Variants in OBP2B observed in about 807,000 individuals in gnomAD.
The protein encoded by OBP2B is odorant binding protein 2B.
OBP2B carries 10 observed loss-of-function variants against 21.7 expected under a neutral mutation model. The ratio of observed to expected loss-of-function variants is 0.46; its 90% CI spans 0.28 to 0.78. OBP2B has a LOEUF of 0.78. Ranked by LOEUF, OBP2B falls within the 30% of genes least tolerant of loss-of-function variation. OBP2B has a pLI of 0.11. For missense variants in OBP2B, 153 were observed against 217.7 expected, an observed-to-expected ratio of 0.70 and a Z score of 1.87; for synonymous variants, 73 against 91.5, an observed-to-expected ratio of 0.80 and a Z score of 1.16.
intron 6 of OBP2B, 174 bp downstream of exon 6, chr9:133,205,742 TC>T: frequency 1.1e-6 from 1 of 920,118 alleles, no homozygotes; most frequent in East Asian, 2.5e-5. Context: ...ACAAAGGACT[TC>T]CCGAATGTCC....
intron 4 of OBP2B, among the ~76,000 whole-genome samples, chr9:133,206,893 G>A (rs1298610447): frequency 6.6e-6 from 1 of 151,996 alleles, no homozygotes; most frequent in African/African-American, 2.4e-5. Context: ...AGAGGCACCG[G>A]CCACCCTCCT....
At chr9:133,221,797 A>C in the OBP2B span, among the ~76,000 whole-genome samples, 1 of 152,192 alleles carries the variant, frequency 6.6e-6, no homozygotes, top group African/African-American at 2.4e-5. Flanking sequence ...CAAGTGTTTT[A>C]TGTGAAAGTT....
chr9:133,210,248 A>G (rs1158015247), upstream of OBP2B, among the ~76,000 whole-genome samples: 1 of 152,112 alleles, frequency 6.6e-6, no homozygotes, highest in Non-Finnish European at 1.5e-5. Context: ...CTGGGACCCA[A>G]GGCTGACCCA....
chr9:133,217,418 G>A, the OBP2B span, among the ~76,000 whole-genome samples: 1 of 152,218 alleles, frequency 6.6e-6, no homozygotes, highest in Non-Finnish European at 1.5e-5. Flanking sequence ...AAGCTTTGTT[G>A]GTTGAGGCGT....
In OBP2B at chr9:133,205,900, C is replaced by T. The variant is rs1410111532; in HGVS notation, c.*1+17G>A. On this transcript the variant is annotated intron_variant, in intron 6 of 6. Transcript: ENST00000372034. ...GGACTCTGGGCTTGTCCAGTGCCCT[C>T]CTAAAGGCTCACTCACCCTAGTGTT... 6.2e-7 allele frequency: 1 copy of T among 1,613,860 alleles called. No individual in the cohort carries two copies. Among genetic ancestry groups the T allele is most frequent in the South Asian group, 1.1e-5 (1 of 91,072 alleles).
rs568590970 is a variant in OBP2B, at chr9:133,205,849, A to T, written c.*1+68T>A. ...TGTGGGATGGGAGGGGCCAGAGCAG[A>T]TGTACCCTCGAACCCCGGGAACCCA... On this transcript the variant is annotated intron_variant, in intron 6 of 6. Transcript: ENST00000372034. 22 of 1,611,166 alleles carry T rather than the reference A, an allele frequency of 1.4e-5. No individual in the cohort carries two copies. The East Asian group carries it at 4.9e-4, about 36-fold the overall frequency.
At chr9:133,207,160 G>A in intron 4 of OBP2B, 66 bp downstream of exon 4, 1 of 1,121,744 alleles carries the variant, frequency 8.9e-7, no homozygotes, top group East Asian at 2.4e-5. Context: ...TGGTGGTGCT[G>A]GTTCCACCGG....
At chr9:133,216,255 C>T in the OBP2B span, among the ~76,000 whole-genome samples, 121,971 of 150,266 alleles carry the variant, frequency 0.81, 50,176 homozygotes, top group African/African-American at 0.91. Context: ...AAAAATAGAA[C>T]GTAAACAAAA....
chr9:133,210,571 G>A (rs1267442877), upstream of OBP2B, among the ~76,000 whole-genome samples: 1 of 152,080 alleles, frequency 6.6e-6, no homozygotes, highest in Non-Finnish European at 1.5e-5. Flanking sequence ...TTTGTTGACT[G>A]TACCCCAGGC....
chr9:133,221,031 C>T, the OBP2B span, among the ~76,000 whole-genome samples: 1 of 152,166 alleles, frequency 6.6e-6, no homozygotes, highest in East Asian at 1.9e-4. Context: ...TGCCAACCTT[C>T]GTTTTAGCCC....
At chr9:133,205,585 G>T in intron 6 of OBP2B, 174 bp from the exon 7 acceptor site, 1 of 610,374 alleles carries the variant, frequency 1.6e-6, no homozygotes, top group Non-Finnish European at 2.9e-6. Flanking sequence ...AGCATCCTTG[G>T]TGGGTGGATG....
At chr9:133,209,473 G>T (rs535743847), upstream of OBP2B, among the ~76,000 whole-genome samples, 6 of 152,208 alleles carry the variant, frequency 3.9e-5, no homozygotes, top group African/African-American at 1.2e-4. This position sits in a 1 kb window ranked among gnomAD's most constrained non-coding sequence, Gnocchi z 6.0. Context: ...CGCCCACTCA[G>T]ATGAGCCCAG....
chr9:133,210,674 C>T (rs12340695), upstream of OBP2B, among the ~76,000 whole-genome samples: 2,544 of 152,324 alleles, frequency 0.017, 85 homozygotes, highest in African/African-American at 0.058. Context: ...AATGCTGGAA[C>T]GACATGCACA....
chr9:133,217,096 A>C, the OBP2B span, among the ~76,000 whole-genome samples: 1 of 152,248 alleles, frequency 6.6e-6, no homozygotes, highest in African/African-American at 2.4e-5. Flanking sequence ...AATCTTGGAA[A>C]TGCCTCAAAT....
the OBP2B span, among the ~76,000 whole-genome samples, chr9:133,215,890 C>G: frequency 1.3e-5 from 2 of 152,130 alleles, no homozygotes; most frequent in Non-Finnish European, 2.9e-5. Flanking sequence ...AACCACCAAA[C>G]AAAAAGAAGA....
the OBP2B span, among the ~76,000 whole-genome samples, chr9:133,214,598 C>T: frequency 6.6e-6 from 1 of 152,174 alleles, no homozygotes; most frequent in Non-Finnish European, 1.5e-5. Context: ...CCTGTAACTC[C>T]CCCTAAGAGG....
chr9:133,214,087 T>C (rs1249741094), upstream of OBP2B, among the ~76,000 whole-genome samples: 1 of 152,212 alleles, frequency 6.6e-6, no homozygotes, highest in East Asian at 1.9e-4. Flanking sequence ...ATCAACCATA[T>C]TAATATGTTA....
Position 133,207,168 on chromosome 9 carries a change from C to T in OBP2B, c.388+58G>A, listed in dbSNP as rs1433769325. 3.1e-5 allele frequency: 37 copies of T among 1,208,316 alleles called. 1 individual carries two copies. Among genetic ancestry groups the T allele is most frequent in the East Asian group, 3.0e-4 (13 of 42,926 alleles). The allele number at this position is 1,208,316 out of a possible 1,614,324, so 74.8% of individuals were successfully genotyped here. A position where few individuals can be genotyped will look rare whatever the true frequency, so the allele number is the denominator to read the frequency against. On this transcript the variant is annotated intron_variant, in intron 4 of 6. Transcript: ENST00000372034. ...CAGGGCATGGTGGTGCTGGTTCCAC[C>T]GGCTTCCAGAGGCAGAGACCGTGGG...
upstream of OBP2B, among the ~76,000 whole-genome samples, chr9:133,210,761 C>G (rs561616384): frequency 5.9e-5 from 9 of 152,316 alleles, no homozygotes; most frequent in African/African-American, 2.2e-4. Flanking sequence ...CTCCCATCAT[C>G]CACCCATCTT....
Sources: gnomAD v4.1 joint callset for allele counts (sites outside exome capture counted in the v4.1 genomes callset) on GRCh38, gnomAD v4.1.1 for gene constraint, Gnocchi (gnomAD v3.1) non-coding constraint, MANE v1.5 for transcripts, NCBI Gene and HGNC (gene_info 2026-07-23, HGNC 2026-07-21) for gene names.